Variants in NCOA2 observed in about 807,000 individuals in gnomAD.
NCOA2 encodes the protein nuclear receptor coactivator 2.
NCOA2 carries 21 observed loss-of-function variants against 145.1 expected under a neutral mutation model. The ratio of observed to expected loss-of-function variants is 0.14; its 90% confidence interval spans 0.10 to 0.21. The LOEUF is 0.21. NCOA2 is among the 10% of genes least tolerant of loss of function. NCOA2 has a pLI of 1.00. For synonymous variants in NCOA2, 619 were observed against 637.5 expected (o/e 0.97, Z 0.44); for missense variants, 1,472 against 1,837.6 (o/e 0.80, Z 3.64).
At chr8:70,280,284 C>A (rs1366335802) in intron 2 of NCOA2, among the ~76,000 whole-genome samples, 1 of 152,126 alleles carries the variant, frequency 6.6e-6, no homozygotes, top group Non-Finnish European at 1.5e-5. Context: ...TCCTAAGACC[C>A]TGGGAAATTG....
chr8:70,324,818 A>C (rs1354873535), intron 1 of NCOA2, among the ~76,000 whole-genome samples: 1 of 152,176 alleles, frequency 6.6e-6, no homozygotes, highest in African/African-American at 2.4e-5. Flanking sequence ...AAATGCAGTC[A>C]GTTCTACCTT....
At chr8:70,195,857 G>A (rs988585886) in intron 4 of NCOA2, among the ~76,000 whole-genome samples, 1 of 152,090 alleles carries the variant, frequency 6.6e-6, no homozygotes, top group Non-Finnish European at 1.5e-5. Context: ...CCCAAACACC[G>A]TGTGGTCACA....
chr8:70,154,736 ACTTTTTCC>A (rs1412794115), intron 11 of NCOA2, among the ~76,000 whole-genome samples: 2 of 152,150 alleles, frequency 1.3e-5, no homozygotes, highest in Non-Finnish European at 2.9e-5. Flanking sequence ...AAAATAGCTT[ACTTTTTCC>A]CTGTGATGTC....
chr8:70,402,782 C>T (rs1814441671), intron 1 of NCOA2, among the ~76,000 whole-genome samples: 1 of 151,792 alleles, frequency 6.6e-6, no homozygotes, highest in Admixed American at 6.5e-5. Context: ...CTCCCGCCCC[C>T]GGCCCCGGCC....
At chr8:70,163,381 G>C in intron 8 of NCOA2, 84 bp downstream of exon 8, 1 of 951,368 alleles carries the variant, frequency 1.1e-6, no homozygotes, top group Non-Finnish European at 1.6e-6. Flanking sequence ...CATCCTTACA[G>C]TCTTCTAAAT....
intron 13 of NCOA2, among the ~76,000 whole-genome samples, chr8:70,143,626 C>A (rs1009766115): frequency 1.3e-5 from 2 of 152,162 alleles, no homozygotes; most frequent in Non-Finnish European, 2.9e-5. Flanking sequence ...TTCACAGTTG[C>A]CATGAATTCC....
intron 2 of NCOA2, among the ~76,000 whole-genome samples, chr8:70,223,139 T>C (rs1820309810): frequency 6.6e-6 from 1 of 152,202 alleles, no homozygotes; most frequent in Non-Finnish European, 1.5e-5. Flanking sequence ...CTTTTTATTA[T>C]TCTGAAAACC....
intron 2 of NCOA2, among the ~76,000 whole-genome samples, chr8:70,286,395 A>G (rs958765540): frequency 3.9e-5 from 6 of 152,166 alleles, no homozygotes; most frequent in Admixed American, 2.6e-4. Context: ...ATATACATAT[A>G]TATTTCCATC....
At position 70,161,731 on chromosome 8, in the gene NCOA2, G is replaced by A. The variant is rs570322270; in HGVS notation, c.976+980C>T. On this transcript the variant is annotated intron_variant, in intron 9 of 22. Coordinates refer to ENST00000452400, the MANE Select transcript of NCOA2 (RefSeq NM_006540.4). ...TGCAAGGATGCAGACAACTGTTGAA[G>A]CTGAGTTACAAGCTGCACTGCACTG... Among the ~76,000 whole-genome samples the A allele has an allele frequency of 8.4e-4, 128 of 152,288 alleles. 1 individual carries two copies. Among genetic ancestry groups the A allele is most frequent in the African/African-American group, 3.0e-3 (124 of 41,552 alleles).
chr8:70,138,256 T>C lies in NCOA2; in HGVS notation c.3105A>G (p.Pro1035=). ...QQQAPPNQTA[P]WPESILPIDQ... is the part of the protein sequence containing the mutation. Reference sequence around the variant, plus strand: ...CTATAGGCAGGATGCTTTCAGGCCATGGGGCAGTCTGATTTGGAGGAGCTT... The same window carrying C: ...CTATAGGCAGGATGCTTTCAGGCCACGGGGCAGTCTGATTTGGAGGAGCTT... The change falls in exon 15 of 23, where the codon CCA becomes CCG. Residue 1035 remains proline (P), a synonymous_variant. Coordinates refer to ENST00000452400, the MANE Select transcript of NCOA2 (RefSeq NM_006540.4). The C allele has an allele frequency of 2.5e-6, 4 of 1,613,798 alleles. No individual in the cohort carries two copies. The South Asian group carries it at 3.3e-5, about 13-fold the overall frequency.
intron 4 of NCOA2, among the ~76,000 whole-genome samples, chr8:70,209,574 C>T (rs1818804829): frequency 6.6e-6 from 1 of 152,160 alleles, no homozygotes; most frequent in African/African-American, 2.4e-5. Flanking sequence ...ATAGCCACCC[C>T]AGCCTTTAGC....
chr8:70,348,125 A>T (rs1223615567), intron 1 of NCOA2, among the ~76,000 whole-genome samples: 1 of 152,232 alleles, frequency 6.6e-6, no homozygotes, highest in African/African-American at 2.4e-5. Flanking sequence ...AAAGTGAGGT[A>T]GGTGCCCTAA....
chr8:70,138,007 T>C, intron 15 of NCOA2, 196 bp downstream of exon 15: 1 of 426,858 alleles, frequency 2.3e-6, no homozygotes, highest in South Asian at 8.9e-5. Context: ...TTATTTTCCA[T>C]TTAATTTGTA....
chr8:70,364,872 G>C (rs1810546549), intron 1 of NCOA2, among the ~76,000 whole-genome samples: 1 of 150,038 alleles, frequency 6.7e-6, no homozygotes, highest in Admixed American at 6.7e-5. Flanking sequence ...TCAGCATAGA[G>C]ATTCTGTGGT....
chr8:70,314,870 A>G (rs913169679), intron 1 of NCOA2, among the ~76,000 whole-genome samples: 5 of 149,844 alleles, frequency 3.3e-5, no homozygotes, highest in African/African-American at 1.2e-4. Flanking sequence ...TTTCTAGTAG[A>G]CATTTCATTG....
chr8:70,171,647 T>C (rs904222604), intron 5 of NCOA2, among the ~76,000 whole-genome samples: 2 of 152,196 alleles, frequency 1.3e-5, no homozygotes, highest in Non-Finnish European at 2.9e-5. Flanking sequence ...TCAGTTTCTT[T>C]GTGATATGTG....
intron 1 of NCOA2, among the ~76,000 whole-genome samples, chr8:70,315,930 CT>C (rs1237014287): frequency 6.6e-6 from 1 of 152,194 alleles, no homozygotes; most frequent in East Asian, 1.9e-4. Flanking sequence ...CAATGAAACA[CT>C]GCCCTGCTGG....
At chr8:70,159,791 T>C (rs1230443336) in intron 9 of NCOA2, 139 bp from the exon 10 acceptor site, 9 of 682,648 alleles carry the variant, frequency 1.3e-5, no homozygotes, top group Non-Finnish European at 2.0e-5. Context: ...TTATAAGTAA[T>C]ACTTTATGAG....
At chr8:70,358,822 A>AT (rs1809967126) in intron 1 of NCOA2, among the ~76,000 whole-genome samples, 1 of 152,198 alleles carries the variant, frequency 6.6e-6, no homozygotes, top group Admixed American at 6.5e-5. Context: ...GGTGAAAACT[A>AT]TATGTATATC....
Sources: gnomAD v4.1 joint callset for allele counts (sites outside exome capture counted in the v4.1 genomes callset) on GRCh38, gnomAD v4.1.1 for gene constraint, MANE v1.5 for transcripts, NCBI Gene and HGNC (gene_info 2026-07-23, HGNC 2026-07-21) for gene names.